Variants in NBPF9 observed in about 807,000 individuals in gnomAD.
NBPF9 encodes NBPF family member NBPF9.
NBPF9 carries 91 observed loss-of-function variants against 97.8 expected under a neutral mutation model. The observed-to-expected ratio is 0.93, with a 90% CI of 0.79 to 1.11. The LOEUF (loss-of-function observed/expected upper bound fraction) is 1.11. Among genes scored for constraint, NBPF9 ranks in the 50% least tolerant of loss-of-function variants. NBPF9 has a pLI of 0.00. For missense variants in NBPF9, 992 were observed against 939.5 expected (o/e 1.06, Z -0.73); for synonymous variants, 334 against 359.5 (o/e 0.93, Z 0.80).
chr1:149,074,809 CATTATT>C (rs369434237), intron 12 of NBPF9, among the ~76,000 whole-genome samples: 21 of 149,670 alleles, frequency 1.4e-4, no homozygotes, highest in Admixed American at 1.0e-3. Context: ...TATTTATCAT[CATTATT>C]ATTATTATTA....
chr1:149,067,385 T>C lies in NBPF9; in HGVS notation c.1638-1696A>G, dbSNP rs1478555449. 8.4e-4 allele frequency among the ~76,000 whole-genome samples: 110 copies of C among 130,862 alleles called. 2 individuals carry two copies. The highest frequency in any genetic ancestry group is 3.1e-3 in the African/African-American group (106 of 33,844). 85.9% of individuals were successfully genotyped at this position (130,862 alleles called of 152,430 possible). A position where few individuals can be genotyped will look rare whatever the true frequency, so the allele number is the denominator to read the frequency against. On this transcript the variant is annotated intron_variant, in intron 17 of 29. Transcript: ENST00000584027. The stretch of plus-strand genomic sequence containing the variant: ...TGCAGGTTAGTTACATATGTATACA[T>C]GTCCACATTGGTGTGCTTCACCCAT...
exon 30 of NBPF9, chr1:149,055,827 A>G (rs782299862): frequency 1.2e-6 from 2 of 1,606,178 alleles, no homozygotes; most frequent in Non-Finnish European, 1.7e-6. Context: ...ACATTGACGG[A>G]GTAGAATAAC....
chr1:149,093,832 CTCTT>C (rs2152923154), intron 4 of NBPF9, among the ~76,000 whole-genome samples: 1 of 124,176 alleles, frequency 8.1e-6, no homozygotes, highest in Non-Finnish European at 1.7e-5. Flanking sequence ...AATCTGATCT[CTCTT>C]TCTTTTCCCC....
chr1:149,070,446 A>G (rs2079311965), intron 16 of NBPF9, among the ~76,000 whole-genome samples: 2 of 151,916 alleles, frequency 1.3e-5, no homozygotes, highest in Non-Finnish European at 1.5e-5. Flanking sequence ...CAAAGTAAAG[A>G]AGAAAAGTTT....
chr1:149,071,841 C>A (rs1473341788), intron 14 of NBPF9, among the ~76,000 whole-genome samples, 165 bp from the exon 15 acceptor site: 1 of 150,926 alleles, frequency 6.6e-6, no homozygotes, highest in African/African-American at 2.4e-5. Context: ...GTTTCCTGAT[C>A]CATCAGGCAA....
chr1:149,072,588 G>T, intron 14 of NBPF9, 130 bp downstream of exon 14: 1 of 1,430,830 alleles, frequency 7.0e-7, no homozygotes, highest in South Asian at 1.2e-5. Context: ...AGAAGTCCTT[G>T]TCATGTCATG....
At chr1:149,065,475 C>G in intron 18 of NBPF9, 51 bp downstream of exon 18, 2 of 1,606,218 alleles carry the variant, frequency 1.2e-6, no homozygotes, top group Non-Finnish European at 1.7e-6. Context: ...ATTATGGGGT[C>G]TACCTGGGCC....
chr1:149,065,183 A>AT (rs2078955057), intron 18 of NBPF9: 1 of 625,880 alleles, frequency 1.6e-6, no homozygotes, highest in African/African-American at 1.8e-5. Context: ...GTAGCTGGCA[A>AT]GAGACATTTA....
In NBPF9 at chr1:149,082,132, A is replaced by T. The variant is rs1290329519; in HGVS notation, c.8T>A (p.Val3Glu). 1.9e-6 allele frequency: 3 copies of T among 1,611,950 alleles called. No homozygotes were observed. The East Asian group carries it at 6.7e-5, about 36-fold the overall frequency. The change falls in exon 7 of 30, where the codon GTA becomes GAA. Residue 3 changes from valine (V) to glutamate (E), a missense_variant. Val to Glu is a moderately radical substitution (Grantham distance 121). Around this residue, in one of 11 missense-constraint regions of NBPF9, gnomAD observed 65 missense variants for 52.1 expected, o/e 1.25. Coordinates refer to ENST00000584027, the Ensembl canonical transcript of NBPF9. ...CTCGCTGGACCAAGGGCCGGCTGATACCACCATGCTGACGTTTGTGGCAGA... is the reference window on the plus strand; with the variant it reads ...CTCGCTGGACCAAGGGCCGGCTGATTCCACCATGCTGACGTTTGTGGCAGA...
downstream of NBPF9, among the ~76,000 whole-genome samples, chr1:149,052,208 T>C (rs2077951640): frequency 6.6e-6 from 1 of 151,466 alleles, no homozygotes; most frequent in African/African-American, 2.4e-5. Context: ...TTCTTTATTA[T>C]CAATAAACAC....
rs1185525186 is a variant in NBPF9, at chr1:149,085,226, A to AT, written c.-194-2797dup. 7.9e-5 allele frequency among the ~76,000 whole-genome samples: 12 copies of AT among 151,416 alleles called. No individual in the cohort carries two copies. In the East Asian group the frequency reaches 1.0e-3, roughly 13 times the overall value. ...TGGCTGGAAAACTTTTTTTTGATAG[A>AT]TTTTTTATGAATAAAAAAGATTCTA... is the stretch of plus-strand genomic sequence containing the variant. On this transcript the variant is annotated intron_variant, in intron 5 of 29. Coordinates refer to ENST00000584027, the Ensembl canonical transcript of NBPF9.
rs1320995627 is a variant in NBPF9 at position 149,059,459 on chromosome 1, G to A, written c.2585+241C>T. On this transcript the variant is annotated intron_variant, in intron 25 of 29. Transcript: ENST00000584027. ...TTTCCATAAAATATGCTCAAAATTC[G>A]ATGCAGTGGCCATGAAAGTACAGCT... is the stretch of plus-strand genomic sequence containing the variant. The A allele has an allele frequency of 4.5e-5, 18 of 398,268 alleles. 2 individuals are homozygous for A. The highest frequency in any genetic ancestry group is 1.8e-4 in the East Asian group (5 of 28,116). 24.7% of individuals were successfully genotyped at this position (398,268 alleles called of 1,614,324 possible). A position where few individuals can be genotyped will look rare whatever the true frequency, so the allele number is the denominator to read the frequency against.
chr1:149,077,798 C>T, intron 10 of NBPF9, 85 bp downstream of exon 10: 1 of 1,575,800 alleles, frequency 6.3e-7, no homozygotes, highest in Admixed American at 1.7e-5. Context: ...GGCTTTTGGC[C>T]CACCATAGAT....
At position 149,059,337 on chromosome 1, in the gene NBPF9, C is replaced by T. The variant is rs1343626221; in HGVS notation, c.2586-240G>A. 96 of 465,462 alleles carry T rather than the reference C, an allele frequency of 2.1e-4. 31 individuals are homozygous for T. Among genetic ancestry groups the T allele is most frequent in the Non-Finnish European group, 6.0e-5 (15 of 251,608 alleles). 28.8% of individuals were successfully genotyped at this position (465,462 alleles called of 1,614,324 possible). On this transcript the variant is annotated intron_variant, in intron 25 of 29. Transcript: ENST00000584027. Reference sequence around the variant, plus strand: ...AGAGAAAGTGACCTAGTGAATTGGCCGGGTGACACACTGATGAAGGAGTAA... The same window carrying T: ...AGAGAAAGTGACCTAGTGAATTGGCTGGGTGACACACTGATGAAGGAGTAA...
At chr1:149,082,942 G>C (rs1553657339) in intron 5 of NBPF9, among the ~76,000 whole-genome samples, 4 of 133,378 alleles carry the variant, frequency 3.0e-5, no homozygotes, top group Admixed American at 2.3e-4. Context: ...ACCACGCCTG[G>C]CTAATTTTTC....
At position 149,068,405 on chromosome 1, in the gene NBPF9, A is replaced by G. The variant is rs587765359; in HGVS notation, c.1637+1189T>C. On this transcript the variant is annotated intron_variant, in intron 17 of 29. Transcript: ENST00000584027. The stretch of plus-strand genomic sequence containing the variant: ...CCATCTCACATGCAGAGACACACAT[A>G]GGCTCAAAATAAAGGGATGGAGGAA... Among the ~76,000 whole-genome samples, 832 of 150,714 alleles carry G rather than the reference A, an allele frequency of 5.5e-3. 9 individuals carry two copies. Among genetic ancestry groups the G allele is most frequent in the Non-Finnish European group, 8.7e-3 (589 of 67,982 alleles).
chr1:149,080,912 A>G (rs2080374501), intron 7 of NBPF9, among the ~76,000 whole-genome samples: 2 of 151,836 alleles, frequency 1.3e-5, no homozygotes, highest in South Asian at 4.2e-4. Flanking sequence ...TGAACAGATG[A>G]GGAAACTGAG....
At position 149,063,042 on chromosome 1, in the gene NBPF9, T is replaced by G. The variant is rs587674571; in HGVS notation, c.2027-129A>C. On this transcript the variant is annotated intron_variant, in intron 20 of 29. Transcript: ENST00000584027. ...GAGAATAGGACACTGTGAGAGATAT[T>G]CTTCAGGAGGCCTGAAGGCTGATCA... 1.2e-5 allele frequency: 7 copies of G among 563,148 alleles called. No individual in the cohort carries two copies. The South Asian group carries it at 1.4e-4, about 11-fold the overall frequency. 34.9% of individuals were successfully genotyped at this position (563,148 alleles called of 1,614,324 possible). A position where few individuals can be genotyped will look rare whatever the true frequency, so the allele number is the denominator to read the frequency against.
chr1:149,100,734 G>C lies in NBPF9; in HGVS notation c.-606+528C>G, dbSNP rs782482652. 6.8e-3 allele frequency among the ~76,000 whole-genome samples: 1,033 copies of C among 152,296 alleles called. 3 individuals carry two copies. Among genetic ancestry groups the C allele is most frequent in the Middle Eastern group, 0.048 (14 of 294 alleles). ...AGATTACTTGAGCCCAACAGTTTGAGACCAACCTGGGAAACATGTTGAATC... is the reference window on the plus strand; with the variant it reads ...AGATTACTTGAGCCCAACAGTTTGACACCAACCTGGGAAACATGTTGAATC... On this transcript the variant is annotated intron_variant, in intron 3 of 29. Transcript: ENST00000584027.
Sources: gnomAD v4.1 joint callset for allele counts (sites outside exome capture counted in the v4.1 genomes callset) on GRCh38, gnomAD v4.1.1 for gene constraint, gnomAD v4.1.1 regional missense constraint, MANE v1.5 for transcripts, NCBI Gene and HGNC (gene_info 2026-07-23, HGNC 2026-07-21) for gene names.